ZNF385D: variants seen among roughly 807,000 people sequenced by gnomAD.
ZNF385D encodes the protein zinc finger protein 659.
ZNF385D carries 15 observed loss-of-function variants against 35.8 expected under a neutral mutation model. The ratio of observed to expected loss-of-function variants is 0.42; its 90% CI spans 0.28 to 0.64. The LOEUF (loss-of-function observed/expected upper bound fraction) is 0.64, where lower values mean the gene tolerates loss of function less well. ZNF385D is among the 30% of genes least tolerant of loss of function. The probability of loss-of-function intolerance (pLI) is 0.23; values close to 1 mark genes in which losing one functional copy is unlikely to be tolerated. For synonymous variants in ZNF385D, 212 were observed against 186.8 expected (o/e 1.13, Z -1.10); for missense variants, 474 against 494.6 (o/e 0.96, Z 0.39).
At chr3:22,187,734 A>C in intron 2 of ZNF385D, among the ~76,000 whole-genome samples, 1 of 152,168 alleles carries the variant, frequency 6.6e-6, no homozygotes, top group East Asian at 1.9e-4. Context: ...TTGTGGAGTA[A>C]AATAGCAAAG....
chr3:21,973,637 T>C (rs893899511), intron 3 of ZNF385D, among the ~76,000 whole-genome samples: 1 of 152,002 alleles, frequency 6.6e-6, no homozygotes, highest in African/African-American at 2.4e-5. Context: ...AGTAAAATTA[T>C]CCTTGTTTGC....
intron 2 of ZNF385D, among the ~76,000 whole-genome samples, chr3:22,227,189 G>T (rs962212118): frequency 2.0e-5 from 3 of 151,886 alleles, no homozygotes; most frequent in African/African-American, 7.3e-5. Flanking sequence ...TGTGGGGCGG[G>T]GGGGGTGTAG....
intron 3 of ZNF385D, among the ~76,000 whole-genome samples, chr3:22,079,538 G>C (rs1700636176): frequency 6.6e-6 from 1 of 151,806 alleles, no homozygotes; most frequent in African/African-American, 2.4e-5. Context: ...AGATGATTAG[G>C]ACAAAACAAA....
chr3:22,009,947 A>G (rs1273046577), intron 3 of ZNF385D, among the ~76,000 whole-genome samples: 1 of 152,096 alleles, frequency 6.6e-6, no homozygotes, highest in East Asian at 1.9e-4. Flanking sequence ...AAAATATGAA[A>G]AAAATGATAA....
At chr3:21,628,469 A>G (rs971257600) in intron 2 of ZNF385D, among the ~76,000 whole-genome samples, 1 of 151,872 alleles carries the variant, frequency 6.6e-6, no homozygotes, top group South Asian at 2.1e-4. Context: ...ACTCTTGGAG[A>G]AAAAGGATTT....
chr3:22,186,865 A>T (rs1292313100), intron 2 of ZNF385D, among the ~76,000 whole-genome samples: 2 of 152,200 alleles, frequency 1.3e-5, no homozygotes, highest in South Asian at 4.1e-4. Context: ...CAGTATTTTT[A>T]GTGTTTGTTT....
chr3:21,823,013 C>T (rs1694371781), intron 3 of ZNF385D, among the ~76,000 whole-genome samples: 1 of 152,000 alleles, frequency 6.6e-6, no homozygotes, highest in Non-Finnish European at 1.5e-5. Context: ...GCAATCAAAA[C>T]AGTAATACAA....
At chr3:21,800,828 G>C (rs2072363156) in intron 3 of ZNF385D, among the ~76,000 whole-genome samples, 1 of 151,964 alleles carries the variant, frequency 6.6e-6, no homozygotes, top group Non-Finnish European at 1.5e-5. Context: ...TCTGCACATA[G>C]TTTCGCTTCT....
chr3:21,683,771 G>A (rs2066992560), intron 1 of ZNF385D, among the ~76,000 whole-genome samples: 1 of 150,240 alleles, frequency 6.7e-6, no homozygotes, highest in Non-Finnish European at 1.5e-5. Context: ...AATGCAGATG[G>A]TCTCTGGGAG....
chr3:21,963,254 T>C (rs1435039167), intron 3 of ZNF385D, among the ~76,000 whole-genome samples: 2 of 152,070 alleles, frequency 1.3e-5, no homozygotes, highest in East Asian at 1.9e-4. Flanking sequence ...CACTGTCATC[T>C]TTCATTCTTG....
At chr3:21,882,197 A>G (rs550414930) in intron 3 of ZNF385D, among the ~76,000 whole-genome samples, 12 of 152,152 alleles carry the variant, frequency 7.9e-5, no homozygotes, top group Admixed American at 2.6e-4. Flanking sequence ...ACAGCATTGC[A>G]TGCTACAGAG....
chr3:21,642,302 C>A (rs1159397171), intron 2 of ZNF385D, among the ~76,000 whole-genome samples: 3 of 152,070 alleles, frequency 2.0e-5, no homozygotes, highest in Non-Finnish European at 2.9e-5. Context: ...GAAAGCCCTT[C>A]TCTTTATTTA....
At chr3:21,927,242 T>C (rs1286162647) in intron 3 of ZNF385D, among the ~76,000 whole-genome samples, 3 of 152,048 alleles carry the variant, frequency 2.0e-5, no homozygotes, top group African/African-American at 4.8e-5. Context: ...GCTTCTTGTA[T>C]AGCTTGCAGA....
chr3:21,519,589 G>A (rs772407964), intron 3 of ZNF385D, among the ~76,000 whole-genome samples: 10 of 152,186 alleles, frequency 6.6e-5, no homozygotes, highest in Non-Finnish European at 1.3e-4. Flanking sequence ...GAGGATAGCA[G>A]TGGGCTTTGG....
At chr3:22,143,175 CA>C (rs200216972) in intron 3 of ZNF385D, among the ~76,000 whole-genome samples, 5,667 of 151,346 alleles carry the variant, frequency 0.037, 355 homozygotes, top group African/African-American at 0.12. Flanking sequence ...CTCCGCCTCC[CA>C]AGTTCACTCC....
At chr3:22,162,502 GC>G (rs1320767510) in intron 3 of ZNF385D, among the ~76,000 whole-genome samples, 1 of 151,996 alleles carries the variant, frequency 6.6e-6, no homozygotes, top group East Asian at 1.9e-4. Context: ...TTTAACACAG[GC>G]CACCATCTAT....
At chr3:21,988,844 G>C (rs957925246) in intron 3 of ZNF385D, among the ~76,000 whole-genome samples, 1 of 152,168 alleles carries the variant, frequency 6.6e-6, no homozygotes, top group African/African-American at 2.4e-5. Flanking sequence ...AGGACCCTCC[G>C]AGCCAGGTGT....
chr3:22,070,293 T>C (rs1321228880), intron 3 of ZNF385D, among the ~76,000 whole-genome samples: 2 of 152,308 alleles, frequency 1.3e-5, no homozygotes, highest in Middle Eastern at 3.4e-3. Flanking sequence ...TATAATTATA[T>C]GCATATATTT....
chr3:21,900,531 T>C (rs1327799566), intron 3 of ZNF385D, among the ~76,000 whole-genome samples: 1 of 152,136 alleles, frequency 6.6e-6, no homozygotes, highest in African/African-American at 2.4e-5. Flanking sequence ...GTGGTTAAGA[T>C]GCATACTTTA....
Sources: allele counts gnomAD v4.1 joint callset (sites outside exome capture counted in the v4.1 genomes callset), GRCh38; gene constraint gnomAD v4.1.1; transcripts MANE v1.5; gene names NCBI Gene and HGNC (gene_info 2026-07-23, HGNC 2026-07-21).